PTPRG: variants seen among roughly 807,000 people sequenced by gnomAD.
PTPRG encodes the protein protein tyrosine phosphatase receptor type G.
Under a neutral mutation model 165.3 loss-of-function variants are expected in PTPRG, and 102 were observed. That is an observed-to-expected ratio of 0.62 (90% CI 0.53 to 0.73). The LOEUF (loss-of-function observed/expected upper bound fraction) is 0.73. PTPRG is among the 30% of genes least tolerant of loss of function. PTPRG has a pLI of 0.00. For missense variants in PTPRG, 1,866 were observed against 1,861.4 expected (o/e 1.00, Z -0.05); for synonymous variants, 675 against 669.5 (o/e 1.01, Z -0.13).
At chr3:61,657,169 T>C (rs534218750) in intron 1 of PTPRG, among the ~76,000 whole-genome samples, 2 of 152,238 alleles carry the variant, frequency 1.3e-5, no homozygotes, top group South Asian at 4.1e-4. Context: ...GGTAATAAAC[T>C]GTGGGGGTGG....
intron 8 of PTPRG, among the ~76,000 whole-genome samples, chr3:62,183,245 G>C (rs2106781352): frequency 6.6e-6 from 1 of 152,316 alleles, no homozygotes; most frequent in Admixed American, 6.5e-5. Flanking sequence ...GGGCTCATCA[G>C]ATAGGACTCG....
At chr3:62,076,002 G>A (rs1001684122) in intron 4 of PTPRG, among the ~76,000 whole-genome samples, 19 of 152,250 alleles carry the variant, frequency 1.2e-4, no homozygotes, top group African/African-American at 2.9e-4. Flanking sequence ...ATGACCAGGC[G>A]CAGTGGTTCG....
Position 61,888,199 on chromosome 3 carries a change from TTGTGTGTGTGTG to T in PTPRG, c.191-101414_191-101403del, listed in dbSNP as rs58409759. On this transcript the variant is annotated intron_variant, in intron 2 of 29. Transcript: ENST00000474889. ...TCTAGTTTCACTAATTTTTAAATCT[TTGTGTGTGTGTG>T]TGTGTGTGTGTCTGTCTGTCCGTCT... Among the ~76,000 whole-genome samples the T allele has an allele frequency of 2.1e-4, 31 of 150,146 alleles. 1 individual carries two copies. The highest frequency in any genetic ancestry group is 2.0e-3 in the Admixed American group (30 of 15,062).
chr3:61,599,813 C>T (rs150436312), intron 1 of PTPRG, among the ~76,000 whole-genome samples: 1 of 152,232 alleles, frequency 6.6e-6, no homozygotes, highest in East Asian at 1.9e-4. Context: ...TTCTTCACCA[C>T]AGCAAACAAA....
At chr3:61,583,882 C>T (rs530180600) in intron 1 of PTPRG, among the ~76,000 whole-genome samples, 10 of 152,210 alleles carry the variant, frequency 6.6e-5, no homozygotes, top group African/African-American at 1.9e-4. Context: ...TTAATGCCTA[C>T]GTTAACCAAG....
At chr3:61,655,987 G>A (rs1702497838) in intron 1 of PTPRG, among the ~76,000 whole-genome samples, 1 of 152,076 alleles carries the variant, frequency 6.6e-6, no homozygotes, top group Non-Finnish European at 1.5e-5. Context: ...AGCTGAGGTG[G>A]GAGGATTGCT....
intron 2 of PTPRG, among the ~76,000 whole-genome samples, chr3:61,897,799 A>G (rs1396515226): frequency 1.3e-5 from 2 of 152,188 alleles, no homozygotes; most frequent in Non-Finnish European, 2.9e-5. Flanking sequence ...TTTTGTGTAT[A>G]CCTACATATT....
intron 2 of PTPRG, among the ~76,000 whole-genome samples, chr3:61,844,118 C>T (rs575388670): frequency 1.1e-4 from 16 of 152,190 alleles, no homozygotes; most frequent in African/African-American, 3.4e-4. Flanking sequence ...CATGTGCCCC[C>T]AGGCCCGGCT....
chr3:61,833,459 G>A (rs1412371885), intron 2 of PTPRG, among the ~76,000 whole-genome samples: 3 of 152,180 alleles, frequency 2.0e-5, no homozygotes, highest in Non-Finnish European at 4.4e-5. Flanking sequence ...CTAAGCGAGA[G>A]TCCCTGCGAG....
chr3:62,005,582 A>G (rs80212530), intron 4 of PTPRG, among the ~76,000 whole-genome samples: 3,564 of 151,960 alleles, frequency 0.023, 76 homozygotes, highest in East Asian at 0.091. Flanking sequence ...CTCTAGAGCT[A>G]GGAACTGGGA....
At chr3:61,786,548 A>T (rs1232504416) in intron 2 of PTPRG, among the ~76,000 whole-genome samples, 1 of 152,180 alleles carries the variant, frequency 6.6e-6, no homozygotes, top group Non-Finnish European at 1.5e-5. Flanking sequence ...GTGGTTGGAG[A>T]GTCAACGTAG....
At chr3:61,650,249 G>A (rs1702314423) in intron 1 of PTPRG, among the ~76,000 whole-genome samples, 1 of 152,202 alleles carries the variant, frequency 6.6e-6, no homozygotes, top group Non-Finnish European at 1.5e-5. Context: ...AGGAAGCCAA[G>A]GGTGGGGGCA....
In PTPRG at chr3:62,077,943, A is replaced by C. The variant is rs1038936388; in HGVS notation, c.520-220A>C. ...AACCTGGGAGGCGGAGGTTGTAGTG[A>C]GCTGAGATTGAGTCACTGCAGTCCA... On this transcript the variant is annotated intron_variant, in intron 4 of 29. Transcript: ENST00000474889. 6.6e-5 allele frequency among the ~76,000 whole-genome samples: 10 copies of C among 150,398 alleles called. No homozygotes were observed. The South Asian group carries it at 8.5e-4, about 13-fold the overall frequency.
In PTPRG at chr3:61,855,651, CTT is replaced by C. The variant is rs35525843; in HGVS notation, c.190+106688_190+106689del. The stretch of plus-strand genomic sequence containing the variant: ...TATAAAATAATATGAAAGGGTAGGC[CTT>C]TTTTTTTTTTTTTTTTTTAAAAGCA... On this transcript the variant is annotated intron_variant, in intron 2 of 29. Transcript: ENST00000474889. Among the ~76,000 whole-genome samples, 195 of 120,302 alleles carry C rather than the reference CTT, an allele frequency of 1.6e-3. 1 individual carries two copies. The highest frequency in any genetic ancestry group is 5.0e-3 in the Middle Eastern group (1 of 200). The allele number at this position is 120,302 out of a possible 152,430, so 78.9% of individuals were successfully genotyped here.
chr3:61,847,435 T>A (rs1225596672), intron 2 of PTPRG, among the ~76,000 whole-genome samples: 3 of 152,208 alleles, frequency 2.0e-5, no homozygotes, highest in Non-Finnish European at 1.5e-5. Flanking sequence ...CCTCCAGAGC[T>A]GTGAGACAAC....
chr3:61,824,011 C>A (rs1184642420), intron 2 of PTPRG, among the ~76,000 whole-genome samples: 1 of 152,140 alleles, frequency 6.6e-6, no homozygotes, highest in Non-Finnish European at 1.5e-5. Context: ...GTAGTCCCAG[C>A]TACTCAAGAG....
chr3:61,708,701 C>T (rs2031392917), intron 1 of PTPRG, among the ~76,000 whole-genome samples: 1 of 152,048 alleles, frequency 6.6e-6, no homozygotes, highest in Non-Finnish European at 1.5e-5. Flanking sequence ...TCATGATCCG[C>T]CCGCCTCGGC....
chr3:61,587,217 G>A (rs1046135766), intron 1 of PTPRG, among the ~76,000 whole-genome samples: 2 of 152,226 alleles, frequency 1.3e-5, no homozygotes, highest in Admixed American at 1.3e-4. Context: ...CAGGGAACTT[G>A]TAGCTATCAC....
chr3:61,629,612 G>C (rs1347748003), intron 1 of PTPRG, among the ~76,000 whole-genome samples: 1 of 152,242 alleles, frequency 6.6e-6, no homozygotes, highest in Non-Finnish European at 1.5e-5. Flanking sequence ...CCACGGTGTA[G>C]TAGAGAGAGG....
Sources: gnomAD v4.1 joint callset for allele counts (sites outside exome capture counted in the v4.1 genomes callset) on GRCh38, gnomAD v4.1.1 for gene constraint, MANE v1.5 for transcripts, NCBI Gene and HGNC (gene_info 2026-07-23, HGNC 2026-07-21) for gene names.